Variants in SEZ6L observed in about 807,000 individuals in gnomAD.
SEZ6L encodes seizure 6-like protein.
Under a neutral mutation model 106.2 loss-of-function variants are expected in SEZ6L, and 37 were observed. That is an observed-to-expected ratio of 0.35 (90% CI 0.27 to 0.46). SEZ6L has a LOEUF of 0.46. SEZ6L is among the 20% of genes least tolerant of loss of function. The pLI, the probability that SEZ6L is intolerant of heterozygous loss-of-function variation, is 1.00. For synonymous variants in SEZ6L, 541 were observed against 570.4 expected, an observed-to-expected ratio of 0.95 and a Z score of 0.73; for missense variants, 1,172 against 1,332.8, an observed-to-expected ratio of 0.88 and a Z score of 1.88.
chr22:26,234,251 G>A (rs1034762647), intron 1 of SEZ6L, among the ~76,000 whole-genome samples: 1 of 152,156 alleles, frequency 6.6e-6, no homozygotes, highest in African/African-American at 2.4e-5. Context: ...AAGACAGATT[G>A]GCCCGAATTG....
intron 1 of SEZ6L, among the ~76,000 whole-genome samples, chr22:26,238,493 G>A (rs561857358): frequency 9.2e-5 from 14 of 152,302 alleles, no homozygotes; most frequent in African/African-American, 2.4e-4. Flanking sequence ...AGGCAGTTCC[G>A]ATCCCTTGCG....
At chr22:26,304,647 C>A (rs112869063) in intron 5 of SEZ6L, among the ~76,000 whole-genome samples, 7 of 151,950 alleles carry the variant, frequency 4.6e-5, no homozygotes, top group African/African-American at 1.7e-4. Context: ...AGAAATTTTT[C>A]AAGAAATAGT....
At chr22:26,376,577 AC>A (rs1288963968) in intron 15 of SEZ6L, among the ~76,000 whole-genome samples, 1 of 152,078 alleles carries the variant, frequency 6.6e-6, no homozygotes, top group African/African-American at 2.4e-5. Context: ...CCCCGTCTCT[AC>A]TAAAAAAATA....
Position 26,292,710 on chromosome 22 carries a change from G to A in SEZ6L, c.399G>A (p.Arg133=), listed in dbSNP as rs2081171792. 6 of 1,613,616 alleles carry A rather than the reference G, an allele frequency of 3.7e-6. No individual in the cohort carries two copies. Among genetic ancestry groups the A allele is most frequent in the African/African-American group, 1.3e-5 (1 of 74,912 alleles). ...TGAACTCTGCCAGGAAGCAGCTGAG[G>A]CCCAAGGCCACCTCCGCAGCCACTG... The part of the protein sequence containing the change: ...KQVNSARKQL[R]PKATSAATVQ... The change falls in exon 2 of 17, where the codon AGG becomes AGA. Residue 133 remains arginine (R), a synonymous_variant. Coordinates refer to ENST00000248933, the MANE Select transcript of SEZ6L (RefSeq NM_021115.5).
At chr22:26,305,697 T>C (rs1352841631) in intron 5 of SEZ6L, among the ~76,000 whole-genome samples, 2 of 152,234 alleles carry the variant, frequency 1.3e-5, no homozygotes, top group Non-Finnish European at 2.9e-5. Context: ...AGTCATTCCC[T>C]ACCATGAAAT....
At chr22:26,330,184 G>A (rs374092569) in intron 9 of SEZ6L, among the ~76,000 whole-genome samples, 1 of 152,216 alleles carries the variant, frequency 6.6e-6, no homozygotes, top group Admixed American at 6.5e-5. Context: ...GCCGACACAG[G>A]CAGATGAAGG....
At chr22:26,250,668 T>C (rs1182515393) in intron 1 of SEZ6L, among the ~76,000 whole-genome samples, 1 of 152,228 alleles carries the variant, frequency 6.6e-6, no homozygotes, top group Non-Finnish European at 1.5e-5. Flanking sequence ...TCCATAGGAA[T>C]TTTAGAACTT....
chr22:26,202,286 T>A lies in SEZ6L; in HGVS notation c.94+32523T>A, dbSNP rs1185869818. On this transcript the variant is annotated intron_variant, in intron 1 of 16. Coordinates refer to ENST00000248933, the MANE Select transcript of SEZ6L (RefSeq NM_021115.5). ...ACATTCCTTTAAACAAATGGTTAAA[T>A]CTCTGAATCGTGTAAAAGCAGAATC... 3.3e-5 allele frequency among the ~76,000 whole-genome samples: 5 copies of A among 152,140 alleles called. No homozygotes were observed. The East Asian group carries it at 9.6e-4, about 29-fold the overall frequency.
intron 1 of SEZ6L, among the ~76,000 whole-genome samples, chr22:26,178,188 G>A (rs968403981): frequency 6.6e-6 from 1 of 152,224 alleles, no homozygotes; most frequent in African/African-American, 2.4e-5. Flanking sequence ...TTTGGTAGAA[G>A]TGGAAATCAA....
At chr22:26,183,593 A>T (rs1488972844) in intron 1 of SEZ6L, among the ~76,000 whole-genome samples, 1 of 152,222 alleles carries the variant, frequency 6.6e-6, no homozygotes, top group Non-Finnish European at 1.5e-5. Flanking sequence ...ACTTTAAGAG[A>T]ACCTCCAATA....
chr22:26,173,159 G>A (rs966905506), intron 1 of SEZ6L, among the ~76,000 whole-genome samples: 5 of 152,228 alleles, frequency 3.3e-5, no homozygotes, highest in Admixed American at 3.3e-4. Flanking sequence ...TGGCTGCAGG[G>A]ATTACATAAT....
chr22:26,375,547 T>C, intron 14 of SEZ6L, 28 bp from the exon 15 acceptor site: 1 of 1,589,868 alleles, frequency 6.3e-7, no homozygotes, highest in Non-Finnish European at 8.6e-7. Context: ...ACCTGGGAAA[T>C]GAGGACCTCA....
In SEZ6L at chr22:26,365,606, GGAGA is replaced by G. The variant is rs776050396; in HGVS notation, c.2794+41_2794+44del. 1.6e-3 allele frequency: 2,521 copies of G among 1,556,044 alleles called. 5 individuals carry two copies. Among genetic ancestry groups the G allele is most frequent in the Middle Eastern group, 9.8e-3 (45 of 4,610 alleles). ...TCACCACACAGGGTCCACGGGGCCT[GGAGA>G]TGTCAGGCTCCTGGCTCACAGGAGT... On this transcript the variant is annotated intron_variant, in intron 13 of 16. Coordinates refer to ENST00000248933, the MANE Select transcript of SEZ6L (RefSeq NM_021115.5).
At chr22:26,300,029 G>A (rs2081405151) in intron 5 of SEZ6L, among the ~76,000 whole-genome samples, 1 of 152,134 alleles carries the variant, frequency 6.6e-6, no homozygotes, top group African/African-American at 2.4e-5. Flanking sequence ...ATCCTTATGG[G>A]TATGAAGGTA....
chr22:26,285,769 A>G (rs747475279), intron 1 of SEZ6L, among the ~76,000 whole-genome samples: 47 of 152,226 alleles, frequency 3.1e-4, no homozygotes, highest in South Asian at 4.1e-4. Context: ...TATGCCTTCA[A>G]CTATCCAGAT....
chr22:26,257,320 A>G (rs150486134), intron 1 of SEZ6L, among the ~76,000 whole-genome samples: 170 of 152,338 alleles, frequency 1.1e-3, no homozygotes, highest in African/African-American at 4.0e-3. Context: ...ATAAGCTTAT[A>G]GATGATGGAT....
At chr22:26,316,936 A>G (rs2082020814) in intron 9 of SEZ6L, among the ~76,000 whole-genome samples, 1 of 131,044 alleles carries the variant, frequency 7.6e-6, no homozygotes, top group East Asian at 2.3e-4. Context: ...AGAAAGAAAG[A>G]AAAGAAAGAA....
In SEZ6L at chr22:26,365,507, C is replaced by G. The variant is rs2083776551; in HGVS notation, c.2735C>G (p.Thr912Ser). 1.2e-6 allele frequency: 2 copies of G among 1,614,004 alleles called. No homozygotes were observed. Among genetic ancestry groups the G allele is most frequent in the South Asian group, 1.1e-5 (1 of 91,080 alleles). ...YEGFELMGEV[T>S]IRCILGQPSH... ...GGCTTTGAGCTCATGGGTGAAGTGA[C>G]CATCCGCTGCATCCTGGGACAGCCA... is the stretch of plus-strand genomic sequence containing the variant. Residue 912 changes from threonine to serine, a missense_variant, in exon 13 of 17, where the codon ACC becomes AGC. This residue lies in a region of SEZ6L where 141 missense variants were observed against 176.0 expected (regional missense o/e 0.80). Transcript: ENST00000248933.
chr22:26,186,296 G>A (rs571254760), intron 1 of SEZ6L, among the ~76,000 whole-genome samples: 1 of 152,236 alleles, frequency 6.6e-6, no homozygotes, highest in South Asian at 2.1e-4. Context: ...AAGGAAGTGG[G>A]CAAATGAAGT....
Sources: allele counts gnomAD v4.1 joint callset (sites outside exome capture counted in the v4.1 genomes callset), GRCh38; gene constraint gnomAD v4.1.1; regional missense constraint gnomAD v4.1.1; transcripts MANE v1.5; gene names NCBI Gene and HGNC (gene_info 2026-07-23, HGNC 2026-07-21).